C12orf42: variants seen among roughly 807,000 people sequenced by gnomAD.
C12orf42 encodes the protein uncharacterized protein C12orf42.
A neutral mutation model predicts 21.6 loss-of-function variants in C12orf42; 25 were observed. The observed-to-expected ratio is 1.16, with a 90% CI of 0.84 to 1.62. The LOEUF is 1.62. Among genes scored for constraint, C12orf42 ranks in the 40% most tolerant of loss-of-function variants. C12orf42 has a pLI of 0.00. For synonymous variants in C12orf42, 174 were observed against 175.0 expected (o/e 0.99, Z 0.05); for missense variants, 483 against 459.3 (o/e 1.05, Z -0.47).
chr12:103,514,287 T>G, the C12orf42 span, among the ~76,000 whole-genome samples: 1 of 152,128 alleles, frequency 6.6e-6, no homozygotes, highest in Non-Finnish European at 1.5e-5. Context: ...CAATTCAAGA[T>G]GAGATTTGGA....
intron 3 of C12orf42, among the ~76,000 whole-genome samples, chr12:103,381,292 G>A (rs1858263960): frequency 6.6e-6 from 1 of 152,152 alleles, no homozygotes; most frequent in Non-Finnish European, 1.5e-5. Flanking sequence ...GAGAAGTATG[G>A]AATGTTCTAT....
At chr12:103,491,472 G>A (rs1955180409) in intron 1 of C12orf42, among the ~76,000 whole-genome samples, 2 of 152,104 alleles carry the variant, frequency 1.3e-5, no homozygotes, top group African/African-American at 4.8e-5. Flanking sequence ...AGAGATAATT[G>A]GCGAGATTAA....
At chr12:103,512,587 C>G in the C12orf42 span, among the ~76,000 whole-genome samples, 1 of 152,156 alleles carries the variant, frequency 6.6e-6, no homozygotes, top group Admixed American at 6.5e-5. Context: ...ATAAAATGGG[C>G]AGAAATTGTA....
intron 4 of C12orf42, among the ~76,000 whole-genome samples, chr12:103,330,728 T>C (rs114840261): frequency 0.01 from 1,549 of 152,306 alleles, 18 homozygotes; most frequent in African/African-American, 0.035. Flanking sequence ...CTATATAATC[T>C]TGAATTATAG....
chr12:103,078,872 T>A, the C12orf42 span, among the ~76,000 whole-genome samples: 5 of 152,140 alleles, frequency 3.3e-5, no homozygotes, highest in Admixed American at 1.3e-4. Flanking sequence ...GACACCGACA[T>A]CCTATACTAT....
intron 10 of C12orf42, among the ~76,000 whole-genome samples, chr12:103,249,137 CTTAAGA>C (rs1235944759): frequency 6.6e-6 from 1 of 151,968 alleles, no homozygotes; most frequent in East Asian, 1.9e-4. Flanking sequence ...GAAGGAGACG[CTTAAGA>C]TGAGTCTTAA....
chr12:103,101,923 T>C, the C12orf42 span, among the ~76,000 whole-genome samples: 2 of 152,212 alleles, frequency 1.3e-5, no homozygotes, highest in Non-Finnish European at 2.9e-5. Context: ...CATCCAGTAG[T>C]AGGCTAAACT....
chr12:103,341,139 A>G (rs1018218887), intron 4 of C12orf42, among the ~76,000 whole-genome samples: 1 of 145,558 alleles, frequency 6.9e-6, no homozygotes, highest in Non-Finnish European at 1.5e-5. Context: ...AAAAAAAGAC[A>G]CCACAATAAA....
chr12:103,125,703 C>A, the C12orf42 span, among the ~76,000 whole-genome samples: 1 of 152,064 alleles, frequency 6.6e-6, no homozygotes. Context: ...GATGAGGACC[C>A]CGGGTCAGAT....
chr12:103,383,095 C>T (rs1189151913), intron 3 of C12orf42, among the ~76,000 whole-genome samples: 1 of 151,542 alleles, frequency 6.6e-6, no homozygotes, highest in Non-Finnish European at 1.5e-5. Context: ...TAAATTTGCT[C>T]TTCAGGATAT....
the C12orf42 span, among the ~76,000 whole-genome samples, chr12:103,540,055 G>C: frequency 2.6e-3 from 385 of 150,538 alleles, 4 homozygotes; most frequent in African/African-American, 9.1e-3. Flanking sequence ...TGTCACCCAG[G>C]CTGCAGTGCA....
chr12:103,247,120 A>G (rs1166831572), intron 10 of C12orf42, among the ~76,000 whole-genome samples: 2 of 152,030 alleles, frequency 1.3e-5, no homozygotes, highest in African/African-American at 4.8e-5. Context: ...TTTCAAGACT[A>G]TGAATTCTCA....
chr12:103,129,709 T>A, the C12orf42 span, among the ~76,000 whole-genome samples: 3 of 152,196 alleles, frequency 2.0e-5, no homozygotes, highest in Admixed American at 1.3e-4. Flanking sequence ...CCAGATAACA[T>A]TGGAGGGCAT....
At chr12:103,112,081 C>T in the C12orf42 span, among the ~76,000 whole-genome samples, 3 of 152,086 alleles carry the variant, frequency 2.0e-5, no homozygotes, top group Admixed American at 6.5e-5. Context: ...AAATAATGCC[C>T]AACTTAAATT....
the C12orf42 span, among the ~76,000 whole-genome samples, chr12:103,546,020 GT>G: frequency 6.6e-6 from 1 of 152,188 alleles, no homozygotes; most frequent in African/African-American, 2.4e-5. Flanking sequence ...TAAGTGGGTG[GT>G]TTTTATGCAT....
At chr12:103,304,186 C>G (rs1315664204) in intron 5 of C12orf42, among the ~76,000 whole-genome samples, 1 of 152,074 alleles carries the variant, frequency 6.6e-6, no homozygotes, top group African/African-American at 2.4e-5. Context: ...TGACCTTACC[C>G]GAAAGATGGG....
At chr12:103,255,245 G>A (rs2034504482) in intron 10 of C12orf42, among the ~76,000 whole-genome samples, 1 of 152,044 alleles carries the variant, frequency 6.6e-6, no homozygotes, top group Non-Finnish European at 1.5e-5. Flanking sequence ...GGTGGTGCAT[G>A]CCTGTAGTCC....
At chr12:103,554,592 G>C in the C12orf42 span, among the ~76,000 whole-genome samples, 1 of 151,904 alleles carries the variant, frequency 6.6e-6, no homozygotes, top group Admixed American at 6.6e-5. Flanking sequence ...AAAAAAAGAG[G>C]TTTAATCAGC....
chr12:103,316,188 G>GTA (rs2039477613), intron 4 of C12orf42, among the ~76,000 whole-genome samples: 1 of 148,340 alleles, frequency 6.7e-6, no homozygotes, highest in African/African-American at 2.5e-5. Context: ...GATATAAATA[G>GTA]TATATATACA....
Sources: gnomAD v4.1 joint callset for allele counts (sites outside exome capture counted in the v4.1 genomes callset) on GRCh38, gnomAD v4.1.1 for gene constraint, MANE v1.5 for transcripts, NCBI Gene and HGNC (gene_info 2026-07-23, HGNC 2026-07-21) for gene names.